XIRP2: variants seen among roughly 807,000 people sequenced by gnomAD.
XIRP2 encodes the protein xin actin-binding repeat-containing protein 2.
A neutral mutation model predicts 277.0 loss-of-function variants in XIRP2; 236 were observed. That is an observed-to-expected ratio of 0.85 (90% CI 0.77 to 0.95). The LOEUF (loss-of-function observed/expected upper bound fraction) is 0.95, where lower values mean the gene tolerates loss of function less well. Among genes scored for constraint, XIRP2 ranks in the 40% least tolerant of loss-of-function variants. The pLI is 0.00. For missense variants in XIRP2, 4,640 were observed against 4,157.5 expected (o/e 1.12, Z -3.19); for synonymous variants, 1,490 against 1,416.5 (o/e 1.05, Z -1.17).
intron 2 of XIRP2, among the ~76,000 whole-genome samples, chr2:167,041,194 C>G (rs1005744444): frequency 2.6e-5 from 4 of 152,052 alleles, no homozygotes; most frequent in Non-Finnish European, 5.9e-5. Context: ...TAACTTCAAA[C>G]ATTAAAGGAA....
At position 166,903,885 on chromosome 2, in the gene XIRP2, G is replaced by A. The variant is rs1363174981; in HGVS notation, c.403G>A (p.Gly135Arg). 3.1e-6 allele frequency: 5 copies of A among 1,611,680 alleles called. No individual in the cohort carries two copies. Among genetic ancestry groups the A allele is most frequent in the Non-Finnish European group, 4.2e-6 (5 of 1,178,318 alleles). ...TGGAAACAAACCAGCTGAGTACGGT[G>A]GAAAGGTAAGGAGCCATTGATTGAG... ...KSGNKPAEYG[G>R]KEVEIERSLC... Residue 135 changes from glycine (G) to arginine (R), a missense_variant, in exon 2 of 11, where the codon GGA (glycine) becomes AGA (arginine). Coordinates refer to ENST00000409195, the MANE Select transcript of XIRP2 (RefSeq NM_152381.6).
At chr2:166,986,501 T>G (rs1687009958) in intron 2 of XIRP2, among the ~76,000 whole-genome samples, 1 of 152,226 alleles carries the variant, frequency 6.6e-6, no homozygotes, top group African/African-American at 2.4e-5. Flanking sequence ...GATAGTTAGG[T>G]ATATGTCAAA....
At chr2:167,033,915 C>A (rs1326508756) in intron 2 of XIRP2, among the ~76,000 whole-genome samples, 1 of 151,928 alleles carries the variant, frequency 6.6e-6, no homozygotes, top group Non-Finnish European at 1.5e-5. Context: ...TGTTAATGGG[C>A]AAAAAGAAAT....
At chr2:167,175,629 AG>A in intron 3 of XIRP2, among the ~76,000 whole-genome samples, 1 of 152,244 alleles carries the variant, frequency 6.6e-6, no homozygotes, top group Non-Finnish European at 1.5e-5. Context: ...GAACCACTTG[AG>A]GAGGCAGTCA....
At position 167,250,112 on chromosome 2, in the gene XIRP2, A is replaced by C. The variant is rs1695430700; in HGVS notation, c.8720A>C (p.Lys2907Thr). ...KCLEVKGIQE[K>T]QVFSNTKDSK... ...CTCGAAGTCAAGGGCATACAAGAGAAACAAGTCTTCTCTAATACTAAAGAT... is the reference window on the plus strand; with the variant it reads ...CTCGAAGTCAAGGGCATACAAGAGACACAAGTCTTCTCTAATACTAAAGAT... The change falls in exon 9 of 11, where the codon AAA (lysine) becomes ACA (threonine). Residue 2907 changes from lysine to threonine, a missense_variant. Lys to Thr is a moderately conservative substitution (Grantham distance 78). Coordinates refer to ENST00000409195, the MANE Select transcript of XIRP2 (RefSeq NM_152381.6). 1.2e-6 allele frequency: 2 copies of C among 1,613,390 alleles called. No homozygotes were observed. Among genetic ancestry groups the C allele is most frequent in the East Asian group, 4.5e-5 (2 of 44,822 alleles).
Position 167,245,234 on chromosome 2 carries a change from C to T in XIRP2, c.3842C>T (p.Thr1281Ile). 1 of 1,613,556 alleles carries T rather than the reference C, an allele frequency of 6.2e-7. No individual in the cohort carries two copies. The highest frequency in any genetic ancestry group is 2.2e-5 in the East Asian group (1 of 44,838). ...DVRKGCFIFETFSLDEIKEES... is the reference protein window; with the variant it reads ...DVRKGCFIFEIFSLDEIKEES... ...AGAAAGGGGTGCTTTATTTTTGAGA[C>T]TTTTTCTTTAGATGAGATTAAAGAA... Residue 1281 changes from threonine to isoleucine, a missense_variant, in exon 9 of 11, where the codon ACT becomes ATT. Coordinates refer to ENST00000409195, the MANE Select transcript of XIRP2 (RefSeq NM_152381.6).
At position 167,250,992 on chromosome 2, in the gene XIRP2, A is replaced by C. The variant is rs781623776; in HGVS notation, c.9600A>C (p.Pro3200=). 1.2e-6 allele frequency: 2 copies of C among 1,613,700 alleles called. No individual in the cohort carries two copies. Among genetic ancestry groups the C allele is most frequent in the East Asian group, 2.2e-5 (1 of 44,836 alleles). The change falls in exon 9 of 11, where the codon CCA becomes CCC. Residue 3200 remains proline (P), a synonymous_variant. Transcript: ENST00000409195. ...AKLSKGAIPC[P]AATPVPIVEK... ...TATCCAAAGGGGCCATCCCATGTCC[A>C]GCAGCAACCCCGGTTCCAATTGTAG... is the stretch of plus-strand genomic sequence containing the variant.
At chr2:167,114,941 G>A (rs998906357) in intron 2 of XIRP2, among the ~76,000 whole-genome samples, 147 of 152,038 alleles carry the variant, frequency 9.7e-4, no homozygotes, top group African/African-American at 3.2e-3. Context: ...ATGATTTATA[G>A]TCCTTTGGGT....
chr2:167,245,160 A>G lies in XIRP2; in HGVS notation c.3768A>G (p.Glu1256=). ...QPIDKIKESQ[E]GDECVKTVTD... ...TTGATAAGATAAAAGAAAGCCAAGA[A>G]GGTGATGAATGTGTTAAGACGGTGA... The change falls in exon 9 of 11, where the codon GAA becomes GAG. Residue 1256 remains glutamate, a synonymous_variant. Coordinates refer to ENST00000409195, the MANE Select transcript of XIRP2 (RefSeq NM_152381.6). 1 of 1,613,490 alleles carries G rather than the reference A, an allele frequency of 6.2e-7. No individual in the cohort carries two copies. Among genetic ancestry groups the G allele is most frequent in the Non-Finnish European group, 8.5e-7 (1 of 1,179,682 alleles).
intron 2 of XIRP2, among the ~76,000 whole-genome samples, chr2:167,078,852 AAAG>A (rs1423643877): frequency 6.6e-6 from 1 of 151,572 alleles, no homozygotes; most frequent in Non-Finnish European, 1.5e-5. Context: ...AAAAAAAAAA[AAAG>A]GAATGGCAAA....
intron 2 of XIRP2, among the ~76,000 whole-genome samples, chr2:167,047,387 G>C (rs1369647606): frequency 2.6e-5 from 4 of 151,536 alleles, no homozygotes; most frequent in Non-Finnish European, 4.4e-5. Context: ...CATTACACAA[G>C]ATTTCTGTGG....
rs191977513 is a variant in XIRP2, at chr2:166,968,065, T to G, written c.408+64175T>G. 2.7e-3 allele frequency among the ~76,000 whole-genome samples: 415 copies of G among 152,078 alleles called. 1 individual carries two copies. The highest frequency in any genetic ancestry group is 4.8e-3 in the Non-Finnish European group (325 of 67,926). ...TTTAGCTACAGTTGCACGTGTTAGA[T>G]GAATTTCTAGAATTTCAAGAAGTTT... On this transcript the variant is annotated intron_variant, in intron 2 of 10. Coordinates refer to ENST00000409195, the MANE Select transcript of XIRP2 (RefSeq NM_152381.6).
chr2:166,983,809 T>A (rs1686932914), intron 2 of XIRP2, among the ~76,000 whole-genome samples: 1 of 152,216 alleles, frequency 6.6e-6, no homozygotes, highest in Non-Finnish European at 1.5e-5. Flanking sequence ...AAATGTAGAA[T>A]GACTATGATT....
chr2:167,257,539 A>G (rs1292959776), intron 10 of XIRP2, among the ~76,000 whole-genome samples: 1 of 151,946 alleles, frequency 6.6e-6, no homozygotes, highest in Admixed American at 6.6e-5. Flanking sequence ...GGAAATTACA[A>G]CGCCTCACAT....
intron 10 of XIRP2, among the ~76,000 whole-genome samples, chr2:167,257,585 T>C (rs939923761): frequency 1.3e-4 from 20 of 152,032 alleles, no homozygotes; most frequent in Non-Finnish European, 2.4e-4. Flanking sequence ...GTCCTATCAC[T>C]CTGCACCATG....
At chr2:166,948,864 T>C (rs540914229) in intron 2 of XIRP2, among the ~76,000 whole-genome samples, 19 of 152,170 alleles carry the variant, frequency 1.2e-4, no homozygotes, top group African/African-American at 4.3e-4. Flanking sequence ...TTTTGTACAG[T>C]TGGTCAGAAA....
At chr2:166,997,512 T>C (rs996480579) in intron 2 of XIRP2, among the ~76,000 whole-genome samples, 5 of 152,178 alleles carry the variant, frequency 3.3e-5, no homozygotes, top group Admixed American at 6.5e-5. Flanking sequence ...CTTTATCTCC[T>C]CAATGAATGT....
At chr2:167,151,640 T>G (rs540657740) in intron 3 of XIRP2, among the ~76,000 whole-genome samples, 1 of 152,282 alleles carries the variant, frequency 6.6e-6, no homozygotes, top group South Asian at 2.1e-4. Context: ...CAAATCATCC[T>G]CTTAGTATGA....
chr2:167,085,449 T>A (rs1393046738), intron 2 of XIRP2, among the ~76,000 whole-genome samples: 1 of 151,418 alleles, frequency 6.6e-6, no homozygotes, highest in Non-Finnish European at 1.5e-5. Flanking sequence ...TCTGTAGATG[T>A]CTATTAGGTC....
Sources: allele counts gnomAD v4.1 joint callset (sites outside exome capture counted in the v4.1 genomes callset), GRCh38; gene constraint gnomAD v4.1.1; transcripts MANE v1.5; gene names NCBI Gene and HGNC (gene_info 2026-07-23, HGNC 2026-07-21).